RBM19: variants seen among roughly 807,000 people sequenced by gnomAD.
The protein encoded by RBM19 is probable RNA-binding protein 19.
RBM19 carries 94 observed loss-of-function variants against 116.8 expected under a neutral mutation model. That is an observed-to-expected ratio of 0.80 (90% CI 0.68 to 0.95). The LOEUF (loss-of-function observed/expected upper bound fraction) is 0.95. RBM19 is among the 40% of genes least tolerant of loss of function. The pLI is 0.00. For missense variants in RBM19, 1,161 were observed against 1,220.7 expected (o/e 0.95, Z 0.73); for synonymous variants, 475 against 494.1 (o/e 0.96, Z 0.51).
rs201183061 is a variant in RBM19 at position 113,937,112 on chromosome 12, C to G, written c.1963G>C (p.Glu655Gln). Reference sequence around the variant, plus strand: ...GAGAAGACGCCAACTGGAGCCCACTCCAGATAGAGGGGGACATGATGGAAC... The same window carrying G: ...GAGAAGACGCCAACTGGAGCCCACTGCAGATAGAGGGGGACATGATGGAAC... ...SKFHHVPLYL[E>Q]WAPVGVFSST... The change falls in exon 16 of 24, where the codon GAG becomes CAG. Residue 655 changes from glutamate to glutamine, a missense_variant. Physicochemically the swap from Glu to Gln is conservative, Grantham distance 29. Transcript: ENST00000261741. The G allele has an allele frequency of 2.4e-5, 38 of 1,613,954 alleles. No individual in the cohort carries two copies. Among genetic ancestry groups the G allele is most frequent in the Non-Finnish European group, 4.2e-6 (5 of 1,179,994 alleles).
rs140508594 is a variant in RBM19 at position 113,960,088 on chromosome 12, T to C, written c.310A>G (p.Lys104Glu). 51 of 1,614,062 alleles carry C rather than the reference T, an allele frequency of 3.2e-5. No homozygotes were observed. In the African/African-American group the frequency reaches 5.6e-4, roughly 18 times the overall value. Residue 104 changes from lysine (K) to glutamate (E), a missense_variant, in exon 3 of 24, where the codon AAA becomes GAA. By Grantham distance (56) the Lys-to-Glu change is moderately conservative. Transcript: ENST00000261741. The part of the protein sequence containing the change: ...QKPSQPKQPP[K>E]DSTTPEIKKD... ...TTAATTTCTGGAGTAGTAGAGTCTT[T>C]TGGAGGCTGCTTGGGCTGGCTTGGT...
At chr12:113,829,841 G>A (rs1257608543) in intron 23 of RBM19, among the ~76,000 whole-genome samples, 1 of 152,186 alleles carries the variant, frequency 6.6e-6, no homozygotes, top group Non-Finnish European at 1.5e-5. Context: ...GTCCTGTGAG[G>A]CCACCCCAGA....
chr12:113,850,877 C>T (rs950160981), intron 22 of RBM19, among the ~76,000 whole-genome samples: 2 of 152,228 alleles, frequency 1.3e-5, no homozygotes, highest in African/African-American at 4.8e-5. Flanking sequence ...ACCTGCTGTG[C>T]CCCCAACACC....
chr12:113,885,029 C>T (rs1880426909), intron 21 of RBM19, among the ~76,000 whole-genome samples: 1 of 152,194 alleles, frequency 6.6e-6, no homozygotes. Flanking sequence ...TGGAATTACA[C>T]AATCATCAGT....
At chr12:113,847,509 G>C (rs747705491) in intron 22 of RBM19, among the ~76,000 whole-genome samples, 8 of 152,242 alleles carry the variant, frequency 5.3e-5, no homozygotes, top group East Asian at 1.9e-4. Flanking sequence ...TGGCTTGACT[G>C]GGGGAGCTGG....
chr12:113,939,863 G>T, intron 15 of RBM19, 97 bp downstream of exon 15: 2 of 1,332,126 alleles, frequency 1.5e-6, no homozygotes, highest in Non-Finnish European at 1.0e-6. Flanking sequence ...GCTCCCATGT[G>T]CCACATCTGT....
chr12:113,935,297 G>T (rs1178675065), intron 16 of RBM19, among the ~76,000 whole-genome samples: 1 of 151,152 alleles, frequency 6.6e-6, no homozygotes, highest in Non-Finnish European at 1.5e-5. Flanking sequence ...AGGAGAACTC[G>T]CTTTGGGCCA....
chr12:113,830,429 G>A lies in RBM19; in HGVS notation c.2786-7108C>T, dbSNP rs148173605. On this transcript the variant is annotated intron_variant, in intron 23 of 23. Transcript: ENST00000261741. Reference sequence around the variant, plus strand: ...CTGAGTGGCTGGAGAGTGGGTCGGTGGGTGGAGTAACTTCCCTCTGTGCTC... The same window carrying A: ...CTGAGTGGCTGGAGAGTGGGTCGGTAGGTGGAGTAACTTCCCTCTGTGCTC... 1.4e-3 allele frequency among the ~76,000 whole-genome samples: 206 copies of A among 152,172 alleles called. 1 individual carries two copies. Among genetic ancestry groups the A allele is most frequent in the Non-Finnish European group, 2.4e-3 (160 of 67,992 alleles).
At position 113,822,365 on chromosome 12, in the gene RBM19, TG is replaced by T. The variant is rs1874479305; in HGVS notation, c.*858del. 6.6e-6 allele frequency: 1 copy of T among 152,196 alleles called. No individual in the cohort carries two copies. Among genetic ancestry groups the T allele is most frequent in the East Asian group, 1.9e-4 (1 of 5,170 alleles). 9.4% of individuals were successfully genotyped at this position (152,196 alleles called of 1,614,324 possible). A position where few individuals can be genotyped will look rare whatever the true frequency, so the allele number is the denominator to read the frequency against. On this transcript the variant is annotated 3_prime_UTR_variant, in exon 24 of 24. Coordinates refer to ENST00000261741, the MANE Select transcript of RBM19 (RefSeq NM_016196.4). Reference sequence around the variant, plus strand: ...TGAACACGGGCGCCTGAGAGAAGCCTGGGGATGCTGCTGGCCAGCGGAGAGG... The same window carrying T: ...TGAACACGGGCGCCTGAGAGAAGCCTGGGATGCTGCTGGCCAGCGGAGAGG...
At chr12:113,847,162 C>T (rs926734299) in intron 22 of RBM19, among the ~76,000 whole-genome samples, 19 of 152,272 alleles carry the variant, frequency 1.2e-4, no homozygotes, top group African/African-American at 3.8e-4. Flanking sequence ...TTACACAAAA[C>T]GAGCACAGAG....
intron 23 of RBM19, among the ~76,000 whole-genome samples, chr12:113,835,270 T>C (rs1407553215): frequency 6.6e-6 from 1 of 152,136 alleles, no homozygotes; most frequent in Non-Finnish European, 1.5e-5. Context: ...GGTTCTTATG[T>C]ATGTTCATTT....
chr12:113,854,448 C>A (rs1358111739), intron 22 of RBM19, among the ~76,000 whole-genome samples: 1 of 152,066 alleles, frequency 6.6e-6, no homozygotes, highest in Middle Eastern at 3.2e-3. Flanking sequence ...CCTTGACTTC[C>A]TACACCACCC....
At chr12:113,876,071 T>A (rs1879651487) in intron 21 of RBM19, among the ~76,000 whole-genome samples, 1 of 152,092 alleles carries the variant, frequency 6.6e-6, no homozygotes, top group South Asian at 2.1e-4. Flanking sequence ...AATCAAAGGT[T>A]TTCACACCCT....
At chr12:113,885,920 G>A (rs1482469897) in intron 21 of RBM19, among the ~76,000 whole-genome samples, 3 of 146,658 alleles carry the variant, frequency 2.0e-5, no homozygotes, top group Non-Finnish European at 4.5e-5. Flanking sequence ...CCAGGCTGGA[G>A]TGCAGTGGTG....
chr12:113,819,034 C>T (rs1237606827), downstream of RBM19, among the ~76,000 whole-genome samples: 2 of 152,220 alleles, frequency 1.3e-5, no homozygotes, highest in Non-Finnish European at 2.9e-5. Flanking sequence ...TCCAGGCGCC[C>T]GCTAGTGCCC....
chr12:113,903,580 G>A lies in RBM19; in HGVS notation c.2558+11389C>T, dbSNP rs1305989447. On this transcript the variant is annotated intron_variant, in intron 21 of 23. Transcript: ENST00000261741. The surrounding 1 kb of genome is among the most constrained non-coding windows in gnomAD (Gnocchi z 5.1). ...CAGCTGTACCATTTTTGGCTCCCAT[G>A]AGCAATGCATAAACAATCCAGTTTC... Among the ~76,000 whole-genome samples, 4 of 152,334 alleles carry A rather than the reference G, an allele frequency of 2.6e-5. 1 individual carries two copies. In the Middle Eastern group the frequency reaches 0.014, roughly 518 times the overall value.
At chr12:113,855,310 C>A (rs888131394) in intron 22 of RBM19, among the ~76,000 whole-genome samples, 5 of 152,174 alleles carry the variant, frequency 3.3e-5, no homozygotes, top group African/African-American at 1.2e-4. Context: ...GAGCAAGCCG[C>A]GGCACTGGCC....
Position 113,829,708 on chromosome 12 carries a change from T to C in RBM19, c.2786-6387A>G, listed in dbSNP as rs113109332. ...CTCTGAGTTACCAAAGTTACTCTTCTGCAGACAGGACACAGTAGTAGCACC... is the reference window on the plus strand; with the variant it reads ...CTCTGAGTTACCAAAGTTACTCTTCCGCAGACAGGACACAGTAGTAGCACC... On this transcript the variant is annotated intron_variant, in intron 23 of 23. Coordinates refer to ENST00000261741, the MANE Select transcript of RBM19 (RefSeq NM_016196.4). Among the ~76,000 whole-genome samples the C allele has an allele frequency of 3.7e-4, 56 of 152,322 alleles. 2 individuals carry two copies. The highest frequency in any genetic ancestry group is 1.3e-3 in the African/African-American group (55 of 41,588).
intron 21 of RBM19, among the ~76,000 whole-genome samples, chr12:113,862,734 G>C (rs1593499560): frequency 6.6e-6 from 1 of 152,148 alleles, no homozygotes; most frequent in Non-Finnish European, 1.5e-5. Flanking sequence ...TGCCGCTCGG[G>C]GGGAAGGAGA....
Sources: gnomAD v4.1 joint callset for allele counts (sites outside exome capture counted in the v4.1 genomes callset) on GRCh38, gnomAD v4.1.1 for gene constraint, Gnocchi (gnomAD v3.1) non-coding constraint, MANE v1.5 for transcripts, NCBI Gene and HGNC (gene_info 2026-07-23, HGNC 2026-07-21) for gene names.